ZCCHC17: variants seen among roughly 807,000 people sequenced by gnomAD.
The protein encoded by ZCCHC17 is zinc finger CCHC-type containing 17, also known as zinc finger CCHC domain-containing protein 17.
In ZCCHC17, 18 loss-of-function variants were observed where a neutral mutation model predicts 30.6. The observed-to-expected ratio is 0.59, with a 90% CI of 0.41 to 0.87. ZCCHC17 has a LOEUF of 0.87. Ranked by LOEUF, ZCCHC17 falls within the 40% of genes least tolerant of loss-of-function variation. ZCCHC17 has a pLI of 0.00. For synonymous variants in ZCCHC17, 88 were observed against 92.4 expected, an observed-to-expected ratio of 0.95 and a Z score of 0.27; for missense variants, 263 against 284.2, an observed-to-expected ratio of 0.93 and a Z score of 0.54.
intron 3 of ZCCHC17, among the ~76,000 whole-genome samples, chr1:31,334,243 G>C (rs919801364): frequency 6.6e-6 from 1 of 151,696 alleles, no homozygotes; most frequent in African/African-American, 2.4e-5. Context: ...CTCCCAGTAG[G>C]AGCTCTAAAC....
intron 2 of ZCCHC17, among the ~76,000 whole-genome samples, chr1:31,315,773 AT>A (rs964677185): frequency 3.9e-5 from 6 of 152,226 alleles, no homozygotes; most frequent in African/African-American, 7.2e-5. Flanking sequence ...TAGTTACTGA[AT>A]TTTTTCCCCT....
rs1183301410 is a variant in ZCCHC17 at position 31,310,165 on chromosome 1, G to C, written c.66+1G>C. The C allele has an allele frequency of 2.5e-6, 4 of 1,613,942 alleles. No individual in the cohort carries two copies. Among genetic ancestry groups the C allele is most frequent in the Non-Finnish European group, 3.4e-6 (4 of 1,179,958 alleles). ...TCTCTACACTATTTTCCAAGGAGAGGTATATTCTTTTGTGCTTTGAAAACC... is the reference window on the plus strand; with the variant it reads ...TCTCTACACTATTTTCCAAGGAGAGCTATATTCTTTTGTGCTTTGAAAACC... On this transcript the variant is annotated splice_donor_variant, in intron 2 of 7. Transcript: ENST00000344147. LOFTEE classifies it high-confidence loss of function.
chr1:31,300,108 C>T (rs75953169), intron 1 of ZCCHC17, among the ~76,000 whole-genome samples: 3,810 of 152,216 alleles, frequency 0.025, 69 homozygotes, highest in Middle Eastern at 0.075. Context: ...TTGCCCAGGC[C>T]GATTGCAGTG....
chr1:31,329,898 C>T lies in ZCCHC17; in HGVS notation c.125-7277C>T, dbSNP rs141668022. 6.0e-4 allele frequency among the ~76,000 whole-genome samples: 91 copies of T among 152,274 alleles called. 1 individual carries two copies. Among genetic ancestry groups the T allele is most frequent in the Admixed American group, 3.9e-4 (6 of 15,286 alleles). ...GACTGGGAGGACCATGTTTCATTAA[C>T]GCTTGGATATATTTTTGCCTATAAT... On this transcript the variant is annotated intron_variant, in intron 3 of 7. Transcript: ENST00000344147.
chr1:31,329,303 T>C (rs1048317579), intron 3 of ZCCHC17, among the ~76,000 whole-genome samples: 2 of 152,232 alleles, frequency 1.3e-5, no homozygotes, highest in Admixed American at 1.3e-4. Context: ...AACAGCTACA[T>C]GACTAGTGAC....
intron 5 of ZCCHC17, among the ~76,000 whole-genome samples, chr1:31,345,120 G>C (rs1389111634): frequency 1.3e-5 from 2 of 150,278 alleles, no homozygotes; most frequent in African/African-American, 4.9e-5. Flanking sequence ...GGGAGCATGA[G>C]ATGGGCTTCT....
chr1:31,307,644 G>A (rs867343400), intron 1 of ZCCHC17, among the ~76,000 whole-genome samples: 33 of 151,454 alleles, frequency 2.2e-4, no homozygotes, highest in African/African-American at 7.3e-4. Context: ...GCACAATCTC[G>A]GCTCACTGCA....
chr1:31,339,819 G>A (rs772151863), intron 5 of ZCCHC17, among the ~76,000 whole-genome samples: 17 of 152,078 alleles, frequency 1.1e-4, no homozygotes, highest in Admixed American at 4.6e-4. Context: ...CCCACATCTT[G>A]GGATACACTG....
intron 5 of ZCCHC17, among the ~76,000 whole-genome samples, chr1:31,344,719 G>C (rs924991560): frequency 7.2e-5 from 11 of 152,200 alleles, no homozygotes; most frequent in African/African-American, 2.4e-4. Context: ...TATTGGAATT[G>C]ATTGTCATGG....
intron 3 of ZCCHC17, among the ~76,000 whole-genome samples, chr1:31,327,695 A>G (rs781754824): frequency 3.2e-4 from 48 of 152,030 alleles, no homozygotes; most frequent in Non-Finnish European, 4.9e-4. Context: ...GTTCCAAGTA[A>G]CCCTTATTTT....
At chr1:31,301,812 C>T (rs1223765935) in intron 1 of ZCCHC17, among the ~76,000 whole-genome samples, 1 of 151,992 alleles carries the variant, frequency 6.6e-6, no homozygotes, top group Non-Finnish European at 1.5e-5. Context: ...TTCCTCTTTC[C>T]TGCTTTTGGC....
chr1:31,356,472 A>C (rs1455478337), intron 7 of ZCCHC17, among the ~76,000 whole-genome samples: 1 of 152,224 alleles, frequency 6.6e-6, no homozygotes, highest in Non-Finnish European at 1.5e-5. Flanking sequence ...AGGATAAGGA[A>C]AGGATGTCAC....
chr1:31,348,393 A>C (rs1032055895), intron 6 of ZCCHC17, among the ~76,000 whole-genome samples: 1 of 152,154 alleles, frequency 6.6e-6, no homozygotes, highest in South Asian at 2.1e-4. Flanking sequence ...GTGAGTGCCC[A>C]CTTGCTACCA....
At chr1:31,301,390 G>A (rs1359727202) in intron 1 of ZCCHC17, among the ~76,000 whole-genome samples, 2 of 152,156 alleles carry the variant, frequency 1.3e-5, no homozygotes, top group South Asian at 2.1e-4. Context: ...AGTTTACTTA[G>A]CTTCTCTTGT....
chr1:31,321,467 C>G (rs910734513), intron 3 of ZCCHC17, among the ~76,000 whole-genome samples: 9 of 152,156 alleles, frequency 5.9e-5, no homozygotes, highest in Non-Finnish European at 1.0e-4. Context: ...TAAGAACAGA[C>G]TAATACAAAA....
rs1209007535 is a variant in ZCCHC17, at chr1:31,326,470, G to A, written c.124+7304G>A. ...ATGTTGTCTGGAATTTAATGACATC[G>A]AACTCTTCCCCACCCCACAGGACAT... On this transcript the variant is annotated intron_variant, in intron 3 of 7. Transcript: ENST00000344147. 2.6e-5 allele frequency among the ~76,000 whole-genome samples: 4 copies of A among 152,230 alleles called. No individual in the cohort carries two copies. In the South Asian group the frequency reaches 8.3e-4, roughly 32 times the overall value.
intron 7 of ZCCHC17, among the ~76,000 whole-genome samples, chr1:31,360,725 A>T (rs1639852108): frequency 6.6e-6 from 1 of 152,178 alleles, no homozygotes; most frequent in African/African-American, 2.4e-5. Flanking sequence ...TCTTTGAGAG[A>T]GAACAAAGTG....
At position 31,302,841 on chromosome 1, in the gene ZCCHC17, T is replaced by TG. The variant is rs150343367; in HGVS notation, c.-56+5769dup. 1.3e-3 allele frequency among the ~76,000 whole-genome samples: 189 copies of TG among 148,160 alleles called. 3 individuals carry two copies. The East Asian group carries it at 0.034, about 27-fold the overall frequency. On this transcript the variant is annotated intron_variant, in intron 1 of 7. Coordinates refer to ENST00000344147, the MANE Select transcript of ZCCHC17 (RefSeq NM_016505.4). Reference sequence around the variant, plus strand: ...CTGTCACTATCATGAGAACAGACTGTGGGAAACTGCCATGATCCAGTCACC... The same window carrying TG: ...CTGTCACTATCATGAGAACAGACTGTGGGGAAACTGCCATGATCCAGTCACC...
rs531889700 is a variant in ZCCHC17 at position 31,316,002 on chromosome 1, A to G, written c.67-3107A>G. On this transcript the variant is annotated intron_variant, in intron 2 of 7. Coordinates refer to ENST00000344147, the MANE Select transcript of ZCCHC17 (RefSeq NM_016505.4). ...TATTATATTACCTCTAAAGACCATA[A>G]TGTGACACTGGAGCTTCAGGATTGA... is the stretch of plus-strand genomic sequence containing the variant. Among the ~76,000 whole-genome samples, 24 of 152,370 alleles carry G rather than the reference A, an allele frequency of 1.6e-4. No homozygotes were observed. In the East Asian group the frequency reaches 4.2e-3, roughly 27 times the overall value.
Sources: gnomAD v4.1 joint callset for allele counts (sites outside exome capture counted in the v4.1 genomes callset) on GRCh38, gnomAD v4.1.1 for gene constraint, MANE v1.5 for transcripts, NCBI Gene and HGNC (gene_info 2026-07-23, HGNC 2026-07-21) for gene names.